The following PTPRT variants were observed in gnomAD, a reference collection of about 807,000 sequenced individuals.
PTPRT encodes the protein protein tyrosine phosphatase receptor type T, also known as receptor-type tyrosine-protein phosphatase T.
A neutral mutation model predicts 176.8 loss-of-function variants in PTPRT; 56 were observed. The observed-to-expected ratio is 0.32, with a 90% confidence interval of 0.26 to 0.40. PTPRT has a LOEUF of 0.40. PTPRT is among the 10% of genes least tolerant of loss of function. The probability of loss-of-function intolerance (pLI) is 1.00; values close to 1 mark genes in which losing one functional copy is unlikely to be tolerated. For missense variants in PTPRT, 1,540 were observed against 1,908.2 expected, an observed-to-expected ratio of 0.81 and a Z score of 3.60; for synonymous variants, 783 against 739.0, an observed-to-expected ratio of 1.06 and a Z score of -0.96.
At chr20:43,100,728 C>T (rs1449446267) in intron 1 of PTPRT, among the ~76,000 whole-genome samples, 1 of 152,168 alleles carries the variant, frequency 6.6e-6, no homozygotes, top group Admixed American at 6.5e-5. Flanking sequence ...AGACACAAAA[C>T]CAGACAATGA....
At chr20:42,166,624 G>A (rs1300415277) in intron 16 of PTPRT, among the ~76,000 whole-genome samples, 1 of 152,138 alleles carries the variant, frequency 6.6e-6, no homozygotes, top group Non-Finnish European at 1.5e-5. Context: ...ATAACTATTT[G>A]AGAAGAAGTC....
intron 1 of PTPRT, among the ~76,000 whole-genome samples, chr20:42,945,684 G>A (rs1980842339): frequency 6.6e-6 from 1 of 152,206 alleles, no homozygotes; most frequent in Non-Finnish European, 1.5e-5. Flanking sequence ...CAGACCAGCT[G>A]AGCTGCTCTG....
chr20:42,097,176 G>A (rs971436209), intron 27 of PTPRT, among the ~76,000 whole-genome samples: 2 of 152,178 alleles, frequency 1.3e-5, no homozygotes, highest in Non-Finnish European at 2.9e-5. Flanking sequence ...GTAGAAGTCT[G>A]AAGCTTGCTA....
At chr20:42,674,761 G>T (rs1410193757) in intron 7 of PTPRT, among the ~76,000 whole-genome samples, 1 of 152,124 alleles carries the variant, frequency 6.6e-6, no homozygotes, top group Non-Finnish European at 1.5e-5. Flanking sequence ...TCTCTGTTCA[G>T]CATAGTGGTT....
intron 7 of PTPRT, among the ~76,000 whole-genome samples, chr20:42,536,276 TTAATCCTTACAG>T (rs2072475309): frequency 6.6e-6 from 1 of 152,176 alleles, no homozygotes; most frequent in South Asian, 2.1e-4. Flanking sequence ...ATTATCTCCT[TTAATCCTTACAG>T]TAACACCATG....
intron 2 of PTPRT, among the ~76,000 whole-genome samples, chr20:42,837,266 C>T (rs921903525): frequency 1.3e-5 from 2 of 152,228 alleles, no homozygotes; most frequent in African/African-American, 2.4e-5. Context: ...GTGGGCCCAG[C>T]ACCTTGCTGC....
chr20:42,689,307 A>AG (rs2075753126), intron 6 of PTPRT, among the ~76,000 whole-genome samples: 1 of 152,166 alleles, frequency 6.6e-6, no homozygotes, highest in Non-Finnish European at 1.5e-5. Context: ...CTGGACGCTG[A>AG]GGGGGGTTCA....
Position 42,106,404 on chromosome 20 carries a change from C to T in PTPRT, c.3390+382G>A, listed in dbSNP as rs541394000. Among the ~76,000 whole-genome samples, 6 of 152,342 alleles carry T rather than the reference C, an allele frequency of 3.9e-5. No individual in the cohort carries two copies. In the South Asian group the frequency reaches 6.2e-4, roughly 16 times the overall value. On this transcript the variant is annotated intron_variant, in intron 24 of 30. Transcript: ENST00000373187. Reference sequence around the variant, plus strand: ...CCATTCCCTGCAGTGACTGAACCATCGCTTGGCACGTAGTGGTCACTGAAT... The same window carrying T: ...CCATTCCCTGCAGTGACTGAACCATTGCTTGGCACGTAGTGGTCACTGAAT...
chr20:42,490,505 T>C (rs369991691), intron 7 of PTPRT, among the ~76,000 whole-genome samples: 1 of 152,182 alleles, frequency 6.6e-6, no homozygotes, highest in African/African-American at 2.4e-5. Flanking sequence ...GATTTTCTAG[T>C]TCATTATTGC....
intron 1 of PTPRT, among the ~76,000 whole-genome samples, chr20:43,013,969 T>C (rs949877185): frequency 1.3e-5 from 2 of 152,188 alleles, no homozygotes; most frequent in Non-Finnish European, 2.9e-5. Context: ...ATACTGAACA[T>C]AATAAGGCGA....
At chr20:42,274,896 A>T (rs531110989) in intron 13 of PTPRT, among the ~76,000 whole-genome samples, 5 of 152,176 alleles carry the variant, frequency 3.3e-5, no homozygotes, top group Non-Finnish European at 5.9e-5. Context: ...TTATTACTAG[A>T]AAAGAGGCAT....
chr20:42,490,481 A>G (rs887965767), intron 7 of PTPRT, among the ~76,000 whole-genome samples: 4 of 152,080 alleles, frequency 2.6e-5, no homozygotes, highest in Admixed American at 6.6e-5. Flanking sequence ...TTGTATTACA[A>G]TTGTCTTAAA....
chr20:42,688,370 A>T (rs1433405988), intron 6 of PTPRT: 1 of 152,284 alleles, frequency 6.6e-6, no homozygotes, highest in Non-Finnish European at 1.5e-5. Flanking sequence ...GAGGTCTCAG[A>T]ATCAGCCCTG....
chr20:42,765,214 AT>A (rs1462862053), intron 5 of PTPRT, among the ~76,000 whole-genome samples: 1 of 152,198 alleles, frequency 6.6e-6, no homozygotes, highest in Non-Finnish European at 1.5e-5. Flanking sequence ...CCCCTCGTGG[AT>A]TGAATCCTTT....
chr20:43,189,693 C>A lies in PTPRT; in HGVS notation c.41G>T (p.Arg14Met). 1 of 1,320,920 alleles carries A rather than the reference C, an allele frequency of 7.6e-7. No homozygotes were observed. Among genetic ancestry groups the A allele is most frequent in the Non-Finnish European group, 9.7e-7 (1 of 1,035,478 alleles). The allele number at this position is 1,320,920 out of a possible 1,614,324, so 81.8% of individuals were successfully genotyped here. ...LAALALSLLL[R>M]LQLPPLPGAR... is the part of the protein sequence containing the mutation. ...GCCGGGCAGTGGCGGCAGCTGCAGC[C>A]TCAGGAGCAGGCTGAGGGCGAGCGC... is the stretch of plus-strand genomic sequence containing the variant. The change falls in exon 1 of 31, where the codon AGG becomes ATG. Residue 14 changes from arginine (R) to methionine (M), a missense_variant. Physicochemically the swap from Arg to Met is moderately conservative, Grantham distance 91 (BLOSUM62 -1). Coordinates refer to ENST00000373187, the MANE Select transcript of PTPRT (RefSeq NM_007050.6). The surrounding 1 kb of genome is among the most constrained non-coding windows in gnomAD (Gnocchi z 5.0).
chr20:42,763,551 C>G (rs1476635110), intron 5 of PTPRT, among the ~76,000 whole-genome samples: 1 of 152,160 alleles, frequency 6.6e-6, no homozygotes, highest in African/African-American at 2.4e-5. Context: ...TCCAACTGCT[C>G]CAGGAATTTC....
intron 1 of PTPRT, among the ~76,000 whole-genome samples, chr20:43,059,453 C>A (rs1029144120): frequency 6.6e-6 from 1 of 152,188 alleles, no homozygotes. Flanking sequence ...AACACTAGAA[C>A]ATGAAGACAA....
intron 7 of PTPRT, among the ~76,000 whole-genome samples, chr20:42,504,007 T>C (rs1389516573): frequency 6.6e-6 from 1 of 152,126 alleles, no homozygotes; most frequent in African/African-American, 2.4e-5. Flanking sequence ...TCTGTCCCTT[T>C]ACCCTCATTT....
At chr20:42,778,401 C>T (rs1193803023) in intron 4 of PTPRT, among the ~76,000 whole-genome samples, 1 of 152,076 alleles carries the variant, frequency 6.6e-6, no homozygotes, top group East Asian at 1.9e-4. Context: ...GTTCTGGGAT[C>T]CAGGTAGAGA....
Sources: gnomAD v4.1 joint callset for allele counts (sites outside exome capture counted in the v4.1 genomes callset) on GRCh38, gnomAD v4.1.1 for gene constraint, Gnocchi (gnomAD v3.1) non-coding constraint, MANE v1.5 for transcripts, NCBI Gene and HGNC (gene_info 2026-07-23, HGNC 2026-07-21) for gene names.